The following CADPS2 variants were observed in gnomAD, a reference collection of about 807,000 sequenced individuals.
The protein encoded by CADPS2 is calcium dependent secretion activator 2, also known as calcium-dependent secretion activator 2.
CADPS2 carries 93 observed loss-of-function variants against 172.5 expected under a neutral mutation model. That is an observed-to-expected ratio of 0.54 (90% CI 0.46 to 0.64). The LOEUF (loss-of-function observed/expected upper bound fraction) is 0.64, where lower values mean the gene tolerates loss of function less well. Ranked by LOEUF, CADPS2 falls within the 30% of genes least tolerant of loss-of-function variation. The pLI is 0.00. For missense variants in CADPS2, 1,420 were observed against 1,565.9 expected, an observed-to-expected ratio of 0.91 and a Z score of 1.57; for synonymous variants, 546 against 555.2, an observed-to-expected ratio of 0.98 and a Z score of 0.23.
At chr7:122,826,469 A>C (rs1804905290) in intron 1 of CADPS2, among the ~76,000 whole-genome samples, 2 of 152,232 alleles carry the variant, frequency 1.3e-5, no homozygotes, top group Admixed American at 1.3e-4. Context: ...AGAGATAATC[A>C]ACAGAAATGA....
chr7:122,421,669 C>T (rs1262386508), intron 17 of CADPS2, among the ~76,000 whole-genome samples: 1 of 152,134 alleles, frequency 6.6e-6, no homozygotes, highest in Non-Finnish European at 1.5e-5. Context: ...CTCTTTCTAA[C>T]CAGATTATAA....
intron 1 of CADPS2, among the ~76,000 whole-genome samples, chr7:122,853,102 T>C (rs1563178241): frequency 6.6e-6 from 1 of 152,196 alleles, no homozygotes; most frequent in Non-Finnish European, 1.5e-5. Flanking sequence ...CAGTCCTCTG[T>C]TTGGTCTCCC....
chr7:122,673,983 G>A (rs996797173), intron 2 of CADPS2, among the ~76,000 whole-genome samples: 5 of 152,128 alleles, frequency 3.3e-5, no homozygotes, highest in African/African-American at 1.2e-4. Flanking sequence ...GCGGGGAGGC[G>A]GCTGAGGCCC....
intron 1 of CADPS2, among the ~76,000 whole-genome samples, chr7:122,804,890 C>T (rs1315622929): frequency 6.6e-6 from 1 of 152,100 alleles, no homozygotes; most frequent in East Asian, 1.9e-4. Flanking sequence ...ATTAAATAGG[C>T]TTACTAAAAT....
intron 1 of CADPS2, among the ~76,000 whole-genome samples, chr7:122,873,833 T>C (rs1022775764): frequency 6.6e-6 from 1 of 152,196 alleles, no homozygotes; most frequent in East Asian, 1.9e-4. Context: ...CCAACATCTA[T>C]TGTTTCCTTT....
In CADPS2 at chr7:122,874,773, C is replaced by T. The variant is rs896994064; in HGVS notation, c.339+11226G>A. ...CTTTGACAAACCTGACAAAAACAAG[C>T]AATGGAGAAAGGATTTCCTATTTAA... is the stretch of plus-strand genomic sequence containing the variant. On this transcript the variant is annotated intron_variant, in intron 1 of 29. Coordinates refer to ENST00000449022, the MANE Select transcript of CADPS2 (RefSeq NM_017954.11). Among the ~76,000 whole-genome samples, 15 of 152,240 alleles carry T rather than the reference C, an allele frequency of 9.9e-5. 1 individual carries two copies. In the East Asian group the frequency reaches 2.5e-3, roughly 26 times the overall value.
intron 1 of CADPS2, among the ~76,000 whole-genome samples, chr7:122,776,923 G>A (rs2093901535): frequency 6.6e-6 from 1 of 152,150 alleles, no homozygotes; most frequent in Non-Finnish European, 1.5e-5. Flanking sequence ...GACAGAGGCA[G>A]GACGATTGCT....
chr7:122,370,389 A>G (rs1270204560), intron 25 of CADPS2, among the ~76,000 whole-genome samples: 1 of 152,214 alleles, frequency 6.6e-6, no homozygotes, highest in Admixed American at 6.5e-5. Context: ...TTTTTAAAAA[A>G]TGAATATTGC....
intron 2 of CADPS2, among the ~76,000 whole-genome samples, chr7:122,699,914 A>G (rs993819111): frequency 6.6e-6 from 1 of 152,204 alleles, no homozygotes; most frequent in African/African-American, 2.4e-5. Flanking sequence ...TGCACACTTA[A>G]AGTTAACCAT....
At chr7:122,862,946 G>C (rs896015897) in intron 1 of CADPS2, among the ~76,000 whole-genome samples, 7 of 152,086 alleles carry the variant, frequency 4.6e-5, no homozygotes, top group Admixed American at 4.6e-4. Flanking sequence ...AAGAAGTCTG[G>C]GTTTAGGGGA....
intron 1 of CADPS2, among the ~76,000 whole-genome samples, chr7:122,866,839 C>A (rs1382708418): frequency 6.6e-6 from 1 of 152,148 alleles, no homozygotes; most frequent in Non-Finnish European, 1.5e-5. Context: ...AGCTTCCCAG[C>A]ACACCTAAAT....
intron 16 of CADPS2, among the ~76,000 whole-genome samples, chr7:122,439,587 T>A (rs1351780375): frequency 6.6e-6 from 1 of 152,188 alleles, no homozygotes; most frequent in Non-Finnish European, 1.5e-5. Context: ...CAACATTTTT[T>A]AAAGGCTACT....
chr7:122,563,492 T>C (rs1214548415), intron 7 of CADPS2, among the ~76,000 whole-genome samples: 1 of 152,158 alleles, frequency 6.6e-6, no homozygotes, highest in South Asian at 2.1e-4. Context: ...TAAATAAATA[T>C]CTAGAGGCAA....
chr7:122,670,522 G>C (rs1159763043), intron 2 of CADPS2, among the ~76,000 whole-genome samples: 1 of 151,104 alleles, frequency 6.6e-6, no homozygotes. Flanking sequence ...TTTTGAGATG[G>C]AGTCTCACTC....
At chr7:122,413,380 T>C (rs969129746) in intron 19 of CADPS2, among the ~76,000 whole-genome samples, 1 of 151,802 alleles carries the variant, frequency 6.6e-6, no homozygotes, top group African/African-American at 2.4e-5. Context: ...AGAAGAGAGG[T>C]TGAGAGGCCT....
At chr7:122,683,654 A>G (rs2083307602) in intron 2 of CADPS2, among the ~76,000 whole-genome samples, 1 of 151,900 alleles carries the variant, frequency 6.6e-6, no homozygotes, top group Admixed American at 6.6e-5. Flanking sequence ...TTATCTGTGG[A>G]CCAATGACAG....
intron 8 of CADPS2, among the ~76,000 whole-genome samples, chr7:122,539,753 C>CTCTCTCTCCCTGTCTGTT (rs145831752): frequency 0.61 from 91,847 of 151,524 alleles, 28,258 homozygotes; most frequent in African/African-American, 0.73. Context: ...CTCTCTCTGT[C>CTCTCTCTCCCTGTCTGTT]TCTCTCTGTC....
At chr7:122,701,604 A>C (rs1047536835) in intron 2 of CADPS2, 3 of 316,378 alleles carry the variant, frequency 9.5e-6, no homozygotes, top group African/African-American at 6.5e-5. Flanking sequence ...AAATAAATAA[A>C]TAAAATAAAA....
intron 3 of CADPS2, among the ~76,000 whole-genome samples, chr7:122,630,714 T>G (rs1013888490): frequency 6.6e-6 from 1 of 152,148 alleles, no homozygotes; most frequent in Non-Finnish European, 1.5e-5. Flanking sequence ...TTTGTTTTCT[T>G]TAAAGATATA....
Sources: allele counts gnomAD v4.1 joint callset (sites outside exome capture counted in the v4.1 genomes callset), GRCh38; gene constraint gnomAD v4.1.1; transcripts MANE v1.5; gene names NCBI Gene and HGNC (gene_info 2026-07-23, HGNC 2026-07-21).